Variants in ADAP1 observed in about 807,000 individuals in gnomAD.
ADAP1 encodes arf-GAP with dual PH domain-containing protein 1.
A neutral mutation model predicts 54.9 loss-of-function variants in ADAP1; 31 were observed. That is an observed-to-expected ratio of 0.56 (90% CI 0.42 to 0.76). The LOEUF is 0.76. Ranked by LOEUF, ADAP1 falls within the 30% of genes least tolerant of loss-of-function variation. The pLI is 0.00. For synonymous variants in ADAP1, 313 were observed against 202.6 expected (o/e 1.55, Z -4.63); for missense variants, 535 against 512.4 (o/e 1.04, Z -0.42).
chr7:931,027 G>A (rs1307826058), intron 2 of ADAP1, among the ~76,000 whole-genome samples: 1 of 147,910 alleles, frequency 6.8e-6, no homozygotes, highest in East Asian at 2.1e-4. Flanking sequence ...GGTAGGGAGG[G>A]ACGGAGGGAC....
chr7:903,217 C>T (rs191895505), intron 6 of ADAP1, among the ~76,000 whole-genome samples: 1 of 152,124 alleles, frequency 6.6e-6, no homozygotes, highest in South Asian at 2.1e-4. Context: ...ACAGCGTGCT[C>T]TGAGGCCAGG....
chr7:902,173 T>A (rs915969409), intron 6 of ADAP1, among the ~76,000 whole-genome samples: 2 of 150,880 alleles, frequency 1.3e-5, no homozygotes, highest in South Asian at 4.2e-4. Flanking sequence ...AATACAAAAA[T>A]TGCGGCTGGG....
chr7:914,620 C>T (rs1266764441), intron 4 of ADAP1, among the ~76,000 whole-genome samples: 1 of 152,156 alleles, frequency 6.6e-6, no homozygotes, highest in East Asian at 1.9e-4. Context: ...ACCAGATGGA[C>T]ACCTGCTCCC....
intron 6 of ADAP1, among the ~76,000 whole-genome samples, chr7:901,870 G>A (rs894471872): frequency 6.6e-6 from 1 of 151,838 alleles, no homozygotes; most frequent in Non-Finnish European, 1.5e-5. Context: ...AAGGCCTTGG[G>A]AATTCACAGC....
intron 1 of ADAP1, 78 bp from the exon 2 acceptor site, chr7:935,583 G>A (rs1262561547): frequency 5.9e-6 from 9 of 1,522,772 alleles, no homozygotes; most frequent in African/African-American, 1.4e-5. Context: ...CTCGAGTCAG[G>A]AGCCCCCGGC....
At chr7:914,980 G>A (rs1845872411) in intron 4 of ADAP1, among the ~76,000 whole-genome samples, 1 of 122,298 alleles carries the variant, frequency 8.2e-6, no homozygotes, top group African/African-American at 3.4e-5. Context: ...CAGCACCTCT[G>A]GGTCCCTGGG....
intron 4 of ADAP1, among the ~76,000 whole-genome samples, chr7:914,420 T>C (rs910743960): frequency 6.6e-6 from 1 of 152,140 alleles, no homozygotes; most frequent in African/African-American, 2.4e-5. Flanking sequence ...GAATCCCCAG[T>C]GCACTCTGGG....
At chr7:907,330 G>A (rs748063250) in intron 4 of ADAP1, among the ~76,000 whole-genome samples, 4 of 152,148 alleles carry the variant, frequency 2.6e-5, no homozygotes, top group African/African-American at 9.7e-5. Context: ...ATGAGGACAG[G>A]AGGGAAGGGG....
At chr7:939,411 G>C (rs1344278181) in intron 1 of ADAP1, among the ~76,000 whole-genome samples, 2 of 151,866 alleles carry the variant, frequency 1.3e-5, no homozygotes, top group Non-Finnish European at 2.9e-5. Flanking sequence ...TAGAGATGTG[G>C]TTTCACCATG....
intron 2 of ADAP1, chr7:935,104 G>C (rs1268602285): frequency 1.7e-6 from 1 of 590,714 alleles, no homozygotes; most frequent in African/African-American, 1.8e-5. Context: ...CCAGGGCACG[G>C]GAATCGGCGA....
intron 1 of ADAP1, among the ~76,000 whole-genome samples, chr7:951,785 G>T (rs1313392358): frequency 6.6e-6 from 1 of 152,158 alleles, no homozygotes; most frequent in Non-Finnish European, 1.5e-5. Context: ...GGCATCAGAT[G>T]GCCTGAGACT....
chr7:900,566 C>A lies in ADAP1; in HGVS notation c.699G>T (p.Leu233=). The change falls in exon 7 of 11, where the codon CTG becomes CTT. Residue 233 remains leucine, a synonymous_variant. Transcript: ENST00000265846. ...NALRAARFHY[L]QVAFPGAGDA... ...CGCCGGCCCCTGGGAATGCCACCTGCAGGTAGTGGAAGCGAGCAGCTCGGA... is the reference window on the plus strand; with the variant it reads ...CGCCGGCCCCTGGGAATGCCACCTGAAGGTAGTGGAAGCGAGCAGCTCGGA... 6.2e-7 allele frequency: 1 copy of A among 1,611,432 alleles called. No individual in the cohort carries two copies. The highest frequency in any genetic ancestry group is 8.5e-7 in the Non-Finnish European group (1 of 1,179,404).
chr7:930,101 C>CAAAAAAA (rs1170304660), intron 2 of ADAP1, among the ~76,000 whole-genome samples: 1 of 33,278 alleles, frequency 3.0e-5, no homozygotes, highest in African/African-American at 1.3e-4. Flanking sequence ...AAGACTGTCT[C>CAAAAAAA]AAAAAAAAAA....
chr7:953,781 C>T (rs1417003797), intron 1 of ADAP1, among the ~76,000 whole-genome samples: 2 of 152,220 alleles, frequency 1.3e-5, no homozygotes, highest in Non-Finnish European at 2.9e-5. Flanking sequence ...CAGGGATGCC[C>T]GGCCGGGAGA....
chr7:906,698 GACATGGGGGAC>G lies in ADAP1; in HGVS notation c.389-1537_389-1527del, dbSNP rs1562915256. Among the ~76,000 whole-genome samples, 201 of 34,282 alleles carry G rather than the reference GACATGGGGGAC, an allele frequency of 5.9e-3. 11 individuals carry two copies. In the East Asian group the frequency reaches 0.22, roughly 38 times the overall value. 22.5% of individuals were successfully genotyped at this position (34,282 alleles called of 152,430 possible). A position where few individuals can be genotyped will look rare whatever the true frequency, so the allele number is the denominator to read the frequency against. On this transcript the variant is annotated intron_variant, in intron 4 of 10. Coordinates refer to ENST00000265846, the MANE Select transcript of ADAP1 (RefSeq NM_006869.4). ...ATGGACAGGGGACACGGGGGACATG[GACATGGGGGAC>G]GGGACATCGGGGACGGGACATGGGG...
intron 3 of ADAP1, among the ~76,000 whole-genome samples, chr7:921,526 C>T (rs756608055): frequency 2.6e-5 from 4 of 152,196 alleles, no homozygotes; most frequent in East Asian, 3.8e-4. Context: ...ACTCTGTTGC[C>T]CAGGCTGGTC....
At chr7:923,375 C>A (rs1216198892) in intron 3 of ADAP1, 1 of 151,812 alleles carries the variant, frequency 6.6e-6, no homozygotes, top group African/African-American at 2.4e-5. Context: ...CCCTCACTCG[C>A]CCTGATCACC....
intron 4 of ADAP1, among the ~76,000 whole-genome samples, chr7:907,268 G>A (rs1028825016): frequency 1.3e-5 from 2 of 152,130 alleles, no homozygotes; most frequent in Non-Finnish European, 2.9e-5. Context: ...ACCGTGCACG[G>A]GTGGTTAGGA....
chr7:931,773 G>GA (rs11367737), intron 2 of ADAP1, among the ~76,000 whole-genome samples: 50,974 of 140,240 alleles, frequency 0.36, 9,247 homozygotes, highest in African/African-American at 0.43. Flanking sequence ...AAAGTAGGGA[G>GA]AAAAAAAAAA....
Sources: allele counts gnomAD v4.1 joint callset (sites outside exome capture counted in the v4.1 genomes callset), GRCh38; gene constraint gnomAD v4.1.1; transcripts MANE v1.5; gene names NCBI Gene and HGNC (gene_info 2026-07-23, HGNC 2026-07-21).